Variants in NFIB observed in about 807,000 individuals in gnomAD.
NFIB encodes nuclear factor I B, also known as nuclear factor 1 B-type.
In NFIB, 11 loss-of-function variants were observed where a neutral mutation model predicts 61.5. The observed-to-expected ratio is 0.18, with a 90% CI of 0.11 to 0.30. The LOEUF (loss-of-function observed/expected upper bound fraction) is 0.30, where lower values mean the gene tolerates loss of function less well. Among genes scored for constraint, NFIB ranks in the 10% least tolerant of loss-of-function variants. NFIB has a pLI of 1.00. For missense variants in NFIB, 471 were observed against 608.9 expected, an observed-to-expected ratio of 0.77 and a Z score of 2.38; for synonymous variants, 260 against 216.5, an observed-to-expected ratio of 1.20 and a Z score of -1.76.
At chr9:14,358,386 C>T (rs1433684238) in intron 1 of NFIB, among the ~76,000 whole-genome samples, 1 of 152,042 alleles carries the variant, frequency 6.6e-6, no homozygotes, top group Non-Finnish European at 1.5e-5. Context: ...GCTTAAAAAG[C>T]CAGATTTTAT....
chr9:14,353,618 C>A (rs1345699449), intron 1 of NFIB, among the ~76,000 whole-genome samples: 1 of 152,176 alleles, frequency 6.6e-6, no homozygotes, highest in African/African-American at 2.4e-5. Context: ...TGGCTTCATT[C>A]TTCAATACCT....
chr9:14,297,026 C>A (rs1170655299), intron 2 of NFIB, among the ~76,000 whole-genome samples: 1 of 152,190 alleles, frequency 6.6e-6, no homozygotes, highest in African/African-American at 2.4e-5. Context: ...ATGCGCACAC[C>A]CCCTGCTCCC....
intron 1 of NFIB, among the ~76,000 whole-genome samples, chr9:14,334,131 G>A (rs531926746): frequency 2.2e-4 from 33 of 152,210 alleles, no homozygotes; most frequent in Non-Finnish European, 4.7e-4. Context: ...ACAAACCTTG[G>A]GTTGTTTCCA....
Position 14,122,787 on chromosome 9 carries a change from T to C in NFIB, c.1061-2163A>G, listed in dbSNP as rs116322451. Among the ~76,000 whole-genome samples, 780 of 152,306 alleles carry C rather than the reference T, an allele frequency of 5.1e-3. 6 individuals are homozygous for C. Among genetic ancestry groups the C allele is most frequent in the African/African-American group, 0.016 (679 of 41,556 alleles). On this transcript the variant is annotated intron_variant, in intron 7 of 10. Coordinates refer to ENST00000380953, the MANE Select transcript of NFIB (RefSeq NM_001190737.2). ...CTTAATAGTTCTGGAGGAGATCTAT[T>C]TTCAAGTGAAATTGCAGAAATCAAA...
intron 10 of NFIB, among the ~76,000 whole-genome samples, chr9:14,104,611 C>T (rs2036279456): frequency 6.6e-6 from 1 of 151,790 alleles, no homozygotes; most frequent in South Asian, 2.1e-4. Flanking sequence ...GACAGGCTTT[C>T]CCTCTGTGGC....
intron 2 of NFIB, among the ~76,000 whole-genome samples, chr9:14,303,239 G>A (rs2059844618): frequency 6.6e-6 from 1 of 152,220 alleles, no homozygotes; most frequent in Non-Finnish European, 1.5e-5. Flanking sequence ...ATGTGACTGA[G>A]AGCAACAGTC....
the NFIB span, among the ~76,000 whole-genome samples, chr9:14,444,888 A>T: frequency 6.6e-6 from 1 of 152,158 alleles, no homozygotes; most frequent in Non-Finnish European, 1.5e-5. Flanking sequence ...CACTTACATG[A>T]TAATCATTCC....
rs117456849 is a variant in NFIB at position 14,109,404 on chromosome 9, G to A, written c.1467+3595C>T. On this transcript the variant is annotated intron_variant, in intron 10 of 10. Coordinates refer to ENST00000380953, the MANE Select transcript of NFIB (RefSeq NM_001190737.2). ...TACTGAACTTCTATGAAGTTAAGTC[G>A]GGGCGGGGGGGTGTTCCACATTTCT... 8.1e-3 allele frequency among the ~76,000 whole-genome samples: 1,227 copies of A among 151,942 alleles called. 6 individuals carry two copies. The highest frequency in any genetic ancestry group is 0.014 in the Non-Finnish European group (952 of 67,848).
the NFIB span, among the ~76,000 whole-genome samples, chr9:14,459,059 G>C: frequency 6.6e-6 from 1 of 152,034 alleles, no homozygotes. Flanking sequence ...GCATTGCCAA[G>C]TCAATCCTAA....
intron 3 of NFIB, among the ~76,000 whole-genome samples, chr9:14,169,990 A>G (rs1442750114): frequency 6.6e-6 from 1 of 152,218 alleles, no homozygotes; most frequent in Non-Finnish European, 1.5e-5. Context: ...AAAAAGATTA[A>G]AACTCCTCGG....
At chr9:14,423,587 T>G in the NFIB span, among the ~76,000 whole-genome samples, 2 of 152,242 alleles carry the variant, frequency 1.3e-5, no homozygotes, top group Non-Finnish European at 2.9e-5. Flanking sequence ...TATAGTTTTC[T>G]CCTGCCATTT....
chr9:14,117,318 CA>C (rs1478686003), intron 8 of NFIB, among the ~76,000 whole-genome samples: 1 of 152,094 alleles, frequency 6.6e-6, no homozygotes, highest in East Asian at 1.9e-4. Context: ...TGGTAGGAAA[CA>C]AAATCCTAAG....
chr9:14,489,955 G>C, the NFIB span, among the ~76,000 whole-genome samples: 1 of 151,976 alleles, frequency 6.6e-6, no homozygotes, highest in African/African-American at 2.4e-5. Context: ...AGGTGGTTTT[G>C]CTTCAGTGAA....
intron 6 of NFIB, among the ~76,000 whole-genome samples, chr9:14,138,131 T>A (rs910498854): frequency 6.6e-5 from 10 of 152,152 alleles, no homozygotes; most frequent in African/African-American, 2.4e-4. Context: ...ATGATGAGTT[T>A]CTTAAGCATG....
At position 14,189,758 on chromosome 9, in the gene NFIB, T is replaced by A. The variant is rs1305319882; in HGVS notation, c.563-9978A>T. Among the ~76,000 whole-genome samples, 4 of 149,890 alleles carry A rather than the reference T, an allele frequency of 2.7e-5. No individual in the cohort carries two copies. In the East Asian group the frequency reaches 7.8e-4, roughly 29 times the overall value. ...AGTCTTATTCACTGCCCTAGCATAT[T>A]CCTGGCACATACTAGATGCTCAATC... On this transcript the variant is annotated intron_variant, in intron 2 of 10. Coordinates refer to ENST00000380953, the MANE Select transcript of NFIB (RefSeq NM_001190737.2).
At chr9:14,174,185 G>C (rs1479910230) in intron 3 of NFIB, among the ~76,000 whole-genome samples, 1 of 150,882 alleles carries the variant, frequency 6.6e-6, no homozygotes, top group Non-Finnish European at 1.5e-5. Flanking sequence ...TAAAAAAAAA[G>C]TCCTTTGATT....
Position 14,321,529 on chromosome 9 carries a change from G to T in NFIB, c.109-14009C>A, listed in dbSNP as rs528831971. On this transcript the variant is annotated intron_variant, in intron 1 of 8. Coordinates refer to the NFIB transcript ENST00000380934. Reference sequence around the variant, plus strand: ...TATCTGTGAATTAAAATGGAGAAAAGAATGCTTCAAGAGGAGAGAATGGCC... The same window carrying T: ...TATCTGTGAATTAAAATGGAGAAAATAATGCTTCAAGAGGAGAGAATGGCC... 9.2e-5 allele frequency among the ~76,000 whole-genome samples: 14 copies of T among 152,296 alleles called. No individual in the cohort carries two copies. In the South Asian group the frequency reaches 2.9e-3, roughly 32 times the overall value.
rs529726817 is a variant in NFIB, at chr9:14,382,681, G to A, written c.108+15843C>T. Among the ~76,000 whole-genome samples, 35 of 152,200 alleles carry A rather than the reference G, an allele frequency of 2.3e-4. 1 individual carries two copies. Among genetic ancestry groups the A allele is most frequent in the Admixed American group, 2.0e-3 (31 of 15,288 alleles). The stretch of plus-strand genomic sequence containing the variant: ...GTGCAAGGAAGCTCCTAGCAGCACT[G>A]TTTGTAACAGCCCCCAAATGCAACC... On this transcript the variant is annotated intron_variant, in intron 1 of 8. Coordinates refer to the NFIB transcript ENST00000380934.
intron 8 of NFIB, among the ~76,000 whole-genome samples, chr9:14,116,559 G>A (rs146026399): frequency 6.5e-4 from 99 of 152,330 alleles, no homozygotes; most frequent in African/African-American, 2.3e-3. Flanking sequence ...TTCAAAGCAC[G>A]TCATGGTATA....
Sources: allele counts gnomAD v4.1 joint callset (sites outside exome capture counted in the v4.1 genomes callset), GRCh38; gene constraint gnomAD v4.1.1; transcripts MANE v1.5; gene names NCBI Gene and HGNC (gene_info 2026-07-23, HGNC 2026-07-21).